The following TMEM178A variants were observed in gnomAD, a reference collection of about 807,000 sequenced individuals.
The protein encoded by TMEM178A is transmembrane protein 178A.
Under a neutral mutation model 29.1 loss-of-function variants are expected in TMEM178A, and 12 were observed. The observed-to-expected ratio is 0.41, with a 90% CI of 0.26 to 0.67. TMEM178A has a LOEUF of 0.67. TMEM178A is among the 30% of genes least tolerant of loss of function. TMEM178A has a pLI of 0.29. For synonymous variants in TMEM178A, 210 were observed against 187.2 expected, an observed-to-expected ratio of 1.12 and a Z score of -0.99; for missense variants, 366 against 419.1, an observed-to-expected ratio of 0.87 and a Z score of 1.11.
chr2:39,713,329 A>T (rs1321293282), intron 3 of TMEM178A, among the ~76,000 whole-genome samples: 1 of 152,254 alleles, frequency 6.6e-6, no homozygotes, highest in African/African-American at 2.4e-5. Flanking sequence ...TAAAAAAGCT[A>T]AAAATATATT....
Position 39,666,037 on chromosome 2 carries a change from G to C in TMEM178A, c.63G>C (p.Leu21=). The C allele has an allele frequency of 6.4e-7, 1 of 1,557,734 alleles. No individual in the cohort carries two copies. Among genetic ancestry groups the C allele is most frequent in the Non-Finnish European group, 8.7e-7 (1 of 1,155,754 alleles). ...SLGLSLCSLG[L]LVTAIFTDHW... is the part of the protein sequence containing the mutation. ...GCCTCAGCCTGTGCTCCCTGGGGCT[G>C]CTCGTCACGGCCATCTTCACCGACC... The change falls in exon 1 of 4, where the codon CTG becomes CTC. Residue 21 remains leucine, a synonymous_variant. Transcript: ENST00000281961.
chr2:39,716,038 A>G (rs1423706888), intron 3 of TMEM178A, among the ~76,000 whole-genome samples: 1 of 152,222 alleles, frequency 6.6e-6, no homozygotes, highest in African/African-American at 2.4e-5. Context: ...CCAGTCAATA[A>G]ATGTTGTCTC....
intron 1 of TMEM178A, among the ~76,000 whole-genome samples, chr2:39,691,703 T>C (rs2148079249): frequency 6.6e-6 from 1 of 152,196 alleles, no homozygotes; most frequent in African/African-American, 2.4e-5. Context: ...CTTTGAAGCA[T>C]TATTCACAGT....
At chr2:39,732,194 G>T in the TMEM178A span, among the ~76,000 whole-genome samples, 1 of 152,128 alleles carries the variant, frequency 6.6e-6, no homozygotes, top group Non-Finnish European at 1.5e-5. Context: ...TTTCTTTCCT[G>T]TCTTTCACCC....
intron 1 of TMEM178A, among the ~76,000 whole-genome samples, chr2:39,676,768 C>G (rs1481286353): frequency 1.3e-5 from 2 of 152,110 alleles, no homozygotes; most frequent in African/African-American, 4.8e-5. Context: ...AGGCGGCAGT[C>G]CCATCCTGCC....
rs757178875 is a variant in TMEM178A at position 39,712,763 on chromosome 2, G to A, written c.653-4247G>A. On this transcript the variant is annotated intron_variant, in intron 3 of 3. Coordinates refer to ENST00000281961, the MANE Select transcript of TMEM178A (RefSeq NM_152390.3). Reference sequence around the variant, plus strand: ...GAAGGGAAAGCCTCAGAGAAGAATGGAGGAGAGGCCACCTTTCTCCCCATG... The same window carrying A: ...GAAGGGAAAGCCTCAGAGAAGAATGAAGGAGAGGCCACCTTTCTCCCCATG... Among the ~76,000 whole-genome samples, 22 of 152,140 alleles carry A rather than the reference G, an allele frequency of 1.4e-4. 1 individual carries two copies. Among genetic ancestry groups the A allele is most frequent in the Non-Finnish European group, 3.2e-4 (22 of 68,010 alleles).
the TMEM178A span, among the ~76,000 whole-genome samples, chr2:39,734,937 C>G: frequency 6.6e-6 from 1 of 152,208 alleles, no homozygotes; most frequent in Non-Finnish European, 1.5e-5. Context: ...ACCAACACGA[C>G]TGTTACCACC....
In TMEM178A at chr2:39,714,354, CA is replaced by C. The variant is rs57835524; in HGVS notation, c.653-2646del. ...TCAAAGTTTGATGCGTGCCCTGTTC[CA>C]AAAAAAAAACTTAACTGGCATAGAG... On this transcript the variant is annotated intron_variant, in intron 3 of 3. Coordinates refer to ENST00000281961, the MANE Select transcript of TMEM178A (RefSeq NM_152390.3). Among the ~76,000 whole-genome samples, 414 of 147,676 alleles carry C rather than the reference CA, an allele frequency of 2.8e-3. 1 individual carries two copies. Among genetic ancestry groups the C allele is most frequent in the African/African-American group, 9.6e-3 (389 of 40,476 alleles).
the TMEM178A span, among the ~76,000 whole-genome samples, chr2:39,727,730 C>A: frequency 4.7e-5 from 7 of 150,240 alleles, no homozygotes; most frequent in African/African-American, 1.7e-4. Context: ...CCCCACCCCT[C>A]GACAGGCCCC....
chr2:39,725,121 G>A, the TMEM178A span, among the ~76,000 whole-genome samples: 1 of 152,114 alleles, frequency 6.6e-6, no homozygotes, highest in Non-Finnish European at 1.5e-5. Flanking sequence ...TGGTTTTCAA[G>A]AGAAGTGAAA....
At chr2:39,713,036 T>C (rs1672381235) in intron 3 of TMEM178A, among the ~76,000 whole-genome samples, 3 of 152,202 alleles carry the variant, frequency 2.0e-5, no homozygotes, top group Non-Finnish European at 2.9e-5. Flanking sequence ...CTTCACTCCA[T>C]GTGCTCAGCT....
chr2:39,728,489 T>C, the TMEM178A span, among the ~76,000 whole-genome samples: 2 of 152,188 alleles, frequency 1.3e-5, no homozygotes. Flanking sequence ...TGGGCCACAC[T>C]CTGTACCCTA....
intron 1 of TMEM178A, among the ~76,000 whole-genome samples, chr2:39,684,496 T>C (rs1472711491): frequency 6.6e-6 from 1 of 152,216 alleles, no homozygotes; most frequent in Non-Finnish European, 1.5e-5. Flanking sequence ...TTAAGCCACA[T>C]AATTTTCCAG....
At chr2:39,735,614 A>T in the TMEM178A span, among the ~76,000 whole-genome samples, 31 of 152,346 alleles carry the variant, frequency 2.0e-4, no homozygotes, top group East Asian at 2.9e-3. Flanking sequence ...CTCTTGCTTG[A>T]AACCCCTCAG....
At chr2:39,720,496 T>TC (rs1672681187), downstream of TMEM178A, among the ~76,000 whole-genome samples, 1 of 152,180 alleles carries the variant, frequency 6.6e-6, no homozygotes, top group South Asian at 2.1e-4. Flanking sequence ...TTCTGACTTT[T>TC]CCTTGTGTCT....
chr2:39,693,390 C>T (rs1671405034), intron 1 of TMEM178A, among the ~76,000 whole-genome samples: 1 of 152,170 alleles, frequency 6.6e-6, no homozygotes, highest in Non-Finnish European at 1.5e-5. Context: ...AACATGGGGT[C>T]CCATGTGGAA....
At chr2:39,734,874 G>A in the TMEM178A span, among the ~76,000 whole-genome samples, 1 of 152,072 alleles carries the variant, frequency 6.6e-6, no homozygotes, top group Non-Finnish European at 1.5e-5. Context: ...TAACACATCA[G>A]TACATCCTTC....
intron 1 of TMEM178A, among the ~76,000 whole-genome samples, chr2:39,681,881 G>A (rs1670884900): frequency 6.6e-6 from 1 of 152,186 alleles, no homozygotes; most frequent in Non-Finnish European, 1.5e-5. Context: ...GGAACTGCTG[G>A]TAGTTATCAC....
intron 1 of TMEM178A, among the ~76,000 whole-genome samples, chr2:39,679,104 T>G (rs1047736872): frequency 2.0e-5 from 3 of 152,234 alleles, no homozygotes; most frequent in African/African-American, 7.2e-5. Context: ...ATGATAGCAC[T>G]TTCTACATTG....
Sources: allele counts gnomAD v4.1 joint callset (sites outside exome capture counted in the v4.1 genomes callset), GRCh38; gene constraint gnomAD v4.1.1; transcripts MANE v1.5; gene names NCBI Gene and HGNC (gene_info 2026-07-23, HGNC 2026-07-21).